The following SGCZ variants were observed in gnomAD, a reference collection of about 807,000 sequenced individuals.
SGCZ encodes the protein sarcoglycan zeta, also known as zeta-sarcoglycan.
In SGCZ, 40 loss-of-function variants were observed where a neutral mutation model predicts 41.3. That is an observed-to-expected ratio of 0.97 (90% CI 0.75 to 1.26). The LOEUF (loss-of-function observed/expected upper bound fraction) is 1.26, where lower values mean the gene tolerates loss of function less well. Among genes scored for constraint, SGCZ ranks in the 50% most tolerant of loss-of-function variants. SGCZ has a pLI of 0.00. For missense variants in SGCZ, 552 were observed against 369.8 expected (o/e 1.49, Z -4.04); for synonymous variants, 206 against 137.5 (o/e 1.50, Z -3.49).
intron 1 of SGCZ, among the ~76,000 whole-genome samples, chr8:15,217,578 C>G (rs1485679096): frequency 6.6e-6 from 1 of 151,998 alleles, no homozygotes; most frequent in African/African-American, 2.4e-5. Context: ...ATTCTTGCCC[C>G]CCCTTGTCCC....
intron 5 of SGCZ, among the ~76,000 whole-genome samples, chr8:14,163,330 C>T (rs187999522): frequency 3.2e-4 from 48 of 152,220 alleles, no homozygotes; most frequent in African/African-American, 9.4e-4. Context: ...AACTTCCGCC[C>T]GCTTACAGGC....
intron 1 of SGCZ, among the ~76,000 whole-genome samples, chr8:14,798,706 T>A (rs1801217641): frequency 7.0e-6 from 1 of 141,952 alleles, no homozygotes; most frequent in African/African-American, 2.6e-5. Flanking sequence ...AAGTAAAATG[T>A]ACCCTACAAT....
chr8:14,757,039 C>G (rs1451086217), intron 1 of SGCZ, among the ~76,000 whole-genome samples: 1 of 152,132 alleles, frequency 6.6e-6, no homozygotes, highest in Admixed American at 6.5e-5. Flanking sequence ...ACCTTCCCCA[C>G]CAATATGTCA....
intron 1 of SGCZ, among the ~76,000 whole-genome samples, chr8:15,038,995 T>C (rs998886586): frequency 6.6e-6 from 1 of 152,124 alleles, no homozygotes; most frequent in African/African-American, 2.4e-5. Context: ...TTGGTGAGAA[T>C]GTGGAGAAAA....
chr8:15,165,211 C>A (rs1799627853), intron 1 of SGCZ, among the ~76,000 whole-genome samples: 3 of 151,978 alleles, frequency 2.0e-5, no homozygotes, highest in Admixed American at 2.0e-4. Context: ...TGCATGAACC[C>A]GGGAGGCAGA....
intron 2 of SGCZ, among the ~76,000 whole-genome samples, chr8:14,379,340 G>C (rs780010848): frequency 6.6e-5 from 10 of 152,122 alleles, no homozygotes; most frequent in Non-Finnish European, 1.3e-4. Context: ...CAAATAATAA[G>C]TAGATAGATG....
chr8:14,855,382 T>G (rs1422960472), intron 1 of SGCZ, among the ~76,000 whole-genome samples: 1 of 152,138 alleles, frequency 6.6e-6, no homozygotes, highest in African/African-American at 2.4e-5. Flanking sequence ...GTATCAAGTC[T>G]CTGTACTTCG....
intron 2 of SGCZ, among the ~76,000 whole-genome samples, chr8:14,404,462 T>C (rs958345894): frequency 2.0e-5 from 3 of 152,182 alleles, no homozygotes; most frequent in Admixed American, 6.5e-5. Flanking sequence ...CAGATAATCT[T>C]TTCACACTTT....
At chr8:14,524,344 C>T (rs2117107633) in intron 2 of SGCZ, among the ~76,000 whole-genome samples, 1 of 152,066 alleles carries the variant, frequency 6.6e-6, no homozygotes, top group East Asian at 2.0e-4. Context: ...CTCACTGCTC[C>T]TGGATTCGGG....
intron 1 of SGCZ, among the ~76,000 whole-genome samples, chr8:14,647,623 A>C (rs1807266124): frequency 6.6e-6 from 1 of 152,086 alleles, no homozygotes; most frequent in South Asian, 2.1e-4. Flanking sequence ...TATTAAATTA[A>C]TATTAAAACA....
At chr8:14,718,153 T>C (rs930548552) in intron 1 of SGCZ, among the ~76,000 whole-genome samples, 1 of 151,724 alleles carries the variant, frequency 6.6e-6, no homozygotes, top group Non-Finnish European at 1.5e-5. Flanking sequence ...AATACACATA[T>C]GCATGCACAC....
chr8:14,208,117 G>A (rs1805678741), intron 4 of SGCZ, among the ~76,000 whole-genome samples: 1 of 152,112 alleles, frequency 6.6e-6, no homozygotes, highest in South Asian at 2.1e-4. Context: ...TACTAACCAT[G>A]TTTAGCTTAA....
chr8:15,099,353 T>C (rs1261236119), intron 1 of SGCZ, among the ~76,000 whole-genome samples: 1 of 152,188 alleles, frequency 6.6e-6, no homozygotes, highest in African/African-American at 2.4e-5. Context: ...TGACCAATTA[T>C]ATGCCCATAA....
rs2117000938 is a variant in SGCZ, at chr8:14,108,231, A to G, written c.552T>C (p.Thr184=). Residue 184 remains threonine, a synonymous_variant, in exon 6 of 8, where the codon ACT becomes ACC. Coordinates refer to ENST00000382080, the MANE Select transcript of SGCZ (RefSeq NM_139167.4). ...CAGAGTGCCCAAATACGGCTCCTTC[A>G]GTGCCTGGGGGTAGCATGAATATAG... The part of the protein sequence containing the change: ...IGAEKLKVTG[T]EGAVFGHSVE... 3.1e-6 allele frequency: 5 copies of G among 1,614,090 alleles called. No individual in the cohort carries two copies. The highest frequency in any genetic ancestry group is 1.1e-5 in the South Asian group (1 of 91,080).
At chr8:14,559,998 G>C (rs769024710) in intron 1 of SGCZ, among the ~76,000 whole-genome samples, 12 of 151,984 alleles carry the variant, frequency 7.9e-5, no homozygotes, top group Non-Finnish European at 1.6e-4. Flanking sequence ...CTTTGCCTGA[G>C]GAATTTGGTA....
At chr8:14,836,991 C>T (rs1395776202) in intron 1 of SGCZ, among the ~76,000 whole-genome samples, 1 of 152,118 alleles carries the variant, frequency 6.6e-6, no homozygotes, top group Non-Finnish European at 1.5e-5. Flanking sequence ...TTCATATATA[C>T]TCAAAGAATT....
At chr8:14,335,661 G>C (rs1051444991) in intron 2 of SGCZ, among the ~76,000 whole-genome samples, 2 of 151,966 alleles carry the variant, frequency 1.3e-5, no homozygotes, top group African/African-American at 4.8e-5. Flanking sequence ...TTTCCTCCTT[G>C]ATAATTATCT....
intron 3 of SGCZ, among the ~76,000 whole-genome samples, chr8:14,320,909 G>C (rs941333268): frequency 6.6e-6 from 1 of 152,020 alleles, no homozygotes; most frequent in South Asian, 2.1e-4. Context: ...AATTTTGCTG[G>C]TTAGAAGTAG....
chr8:15,014,599 A>G (rs956297005), intron 1 of SGCZ, among the ~76,000 whole-genome samples: 3 of 152,158 alleles, frequency 2.0e-5, no homozygotes, highest in Admixed American at 1.3e-4. Flanking sequence ...GCCCATGTCT[A>G]TGATCAGGTA....
Sources: allele counts gnomAD v4.1 joint callset (sites outside exome capture counted in the v4.1 genomes callset), GRCh38; gene constraint gnomAD v4.1.1; transcripts MANE v1.5; gene names NCBI Gene and HGNC (gene_info 2026-07-23, HGNC 2026-07-21).